Variants in GPR107 observed in about 807,000 individuals in gnomAD.
GPR107 encodes protein GPR107.
Under a neutral mutation model 75.5 loss-of-function variants are expected in GPR107, and 31 were observed. The ratio of observed to expected loss-of-function variants is 0.41; its 90% CI spans 0.31 to 0.55. The LOEUF (loss-of-function observed/expected upper bound fraction) is 0.55. Ranked by LOEUF, GPR107 falls within the 20% of genes least tolerant of loss-of-function variation. The probability of loss-of-function intolerance (pLI) is 0.26; values close to 1 mark genes in which losing one functional copy is unlikely to be tolerated. For missense variants in GPR107, 572 were observed against 665.7 expected, an observed-to-expected ratio of 0.86 and a Z score of 1.55; for synonymous variants, 267 against 251.3, an observed-to-expected ratio of 1.06 and a Z score of -0.59.
chr9:130,125,701 G>A (rs1345184312), intron 15 of GPR107, among the ~76,000 whole-genome samples: 1 of 149,422 alleles, frequency 6.7e-6, no homozygotes, highest in African/African-American at 2.5e-5. Context: ...TAGAAAAATG[G>A]GATCACACTG....
Position 130,094,316 on chromosome 9 carries a change from T to C in GPR107, c.863+1935T>C, listed in dbSNP as rs1309563452. 1.3e-5 allele frequency among the ~76,000 whole-genome samples: 2 copies of C among 152,194 alleles called. 1 individual carries two copies. Among genetic ancestry groups the C allele is most frequent in the South Asian group, 4.2e-4 (2 of 4,814 alleles). ...AAAATTAGCTGGGCGTGGTGGCAGG[T>C]GCCTATAGTCCCAGCTACTCAGGAG... On this transcript the variant is annotated intron_variant, in intron 9 of 17. Transcript: ENST00000347136.
At chr9:130,111,192 A>G (rs556797240) in intron 14 of GPR107, among the ~76,000 whole-genome samples, 1 of 150,996 alleles carries the variant, frequency 6.6e-6, no homozygotes, top group Admixed American at 6.6e-5. Flanking sequence ...TAGGCCAGGC[A>G]TGGTGGCTTA....
chr9:130,066,757 A>G (rs940582170), intron 1 of GPR107, among the ~76,000 whole-genome samples: 2 of 152,044 alleles, frequency 1.3e-5, no homozygotes, highest in South Asian at 2.1e-4. Flanking sequence ...AGGCCGAGGC[A>G]GGCAGATCAC....
At position 130,104,500 on chromosome 9, in the gene GPR107, A is replaced by T; in HGVS notation, c.1212A>T (p.Leu404=). 2 of 1,613,544 alleles carry T rather than the reference A, an allele frequency of 1.2e-6. No individual in the cohort carries two copies. Among genetic ancestry groups the T allele is most frequent in the South Asian group, 2.2e-5 (2 of 91,048 alleles). ...TTEYGLWKDS[L]FLVDLLCCGA... ...AATATGGCTTGTGGAAGGACTCTCT[A>T]TTTCTGGTCGACCTGTTGTGTTGTG... Residue 404 remains leucine, a synonymous_variant, in exon 13 of 18, where the codon CTA becomes CTT. Transcript: ENST00000347136.
chr9:130,077,067 T>C (rs1246184723), intron 3 of GPR107, among the ~76,000 whole-genome samples: 1 of 151,996 alleles, frequency 6.6e-6, no homozygotes, highest in Non-Finnish European at 1.5e-5. Context: ...TTTGTATTTT[T>C]AGTAGAGACG....
intron 4 of GPR107, among the ~76,000 whole-genome samples, chr9:130,078,136 G>A (rs1367225901): frequency 1.3e-5 from 2 of 151,482 alleles, no homozygotes; most frequent in Admixed American, 1.3e-4. Flanking sequence ...CTGCACTCCA[G>A]CCTGGGTGAG....
intron 14 of GPR107, chr9:130,110,355 AT>A (rs1220675621): frequency 2.1e-5 from 32 of 1,507,584 alleles, no homozygotes; most frequent in Non-Finnish European, 2.4e-5. Flanking sequence ...GCAGTTTCTC[AT>A]TTTTTTCCAC....
intron 14 of GPR107, among the ~76,000 whole-genome samples, chr9:130,111,911 A>G (rs1487549299): frequency 6.6e-6 from 1 of 151,966 alleles, no homozygotes; most frequent in Non-Finnish European, 1.5e-5. Flanking sequence ...ACTGAGACTC[A>G]CAGCTGCACT....
In GPR107 at chr9:130,137,913, C is replaced by T. The variant is rs1831998134; in HGVS notation, c.*2792C>T. The T allele has an allele frequency of 6.6e-6, 1 of 152,270 alleles. No individual in the cohort carries two copies. The highest frequency in any genetic ancestry group is 2.1e-4 in the South Asian group (1 of 4,836). 9.4% of individuals were successfully genotyped at this position (152,270 alleles called of 1,614,324 possible). ...CTTTGCTTTGTACTCCTCACTGTTTCTGCCTACGCAAAATATCCATGTTTC... is the reference window on the plus strand; with the variant it reads ...CTTTGCTTTGTACTCCTCACTGTTTTTGCCTACGCAAAATATCCATGTTTC... On this transcript the variant is annotated 3_prime_UTR_variant, in exon 18 of 18. Coordinates refer to ENST00000347136, the MANE Select transcript of GPR107 (RefSeq NM_020960.5).
intron 1 of GPR107, among the ~76,000 whole-genome samples, chr9:130,062,454 A>T (rs917003405): frequency 6.9e-6 from 1 of 145,932 alleles, no homozygotes; most frequent in African/African-American, 2.6e-5. Flanking sequence ...AATAATAATA[A>T]TAATAGCACT....
chr9:130,093,229 G>A (rs1830783879), intron 9 of GPR107, among the ~76,000 whole-genome samples: 1 of 151,810 alleles, frequency 6.6e-6, no homozygotes, highest in South Asian at 2.1e-4. Flanking sequence ...TGAAACCCCC[G>A]AGGCTTTAAC....
intron 17 of GPR107, among the ~76,000 whole-genome samples, chr9:130,130,473 G>A (rs151240750): frequency 6.6e-6 from 1 of 152,280 alleles, no homozygotes; most frequent in Non-Finnish European, 1.5e-5. Flanking sequence ...ATTATTTCAT[G>A]TGGGCGAGGA....
At chr9:130,075,881 C>G (rs529126960) in intron 2 of GPR107, 132 bp downstream of exon 2, 1 of 536,254 alleles carries the variant, frequency 1.9e-6, no homozygotes, top group Admixed American at 3.1e-5. Flanking sequence ...CTCCCGGGTT[C>G]AAGCAGTTCT....
intron 5 of GPR107, among the ~76,000 whole-genome samples, chr9:130,080,244 G>A (rs984594161): frequency 6.6e-5 from 10 of 152,100 alleles, no homozygotes; most frequent in Admixed American, 3.9e-4. Flanking sequence ...TATAGCGAAC[G>A]TTCTTTAAGA....
chr9:130,071,937 G>A (rs1043144291), intron 1 of GPR107, among the ~76,000 whole-genome samples: 1 of 148,716 alleles, frequency 6.7e-6, no homozygotes, highest in South Asian at 2.1e-4. Context: ...CGTCCGCCGC[G>A]GCCTCCCAAA....
chr9:130,129,788 A>G (rs558179315), intron 17 of GPR107: 1 of 152,352 alleles, frequency 6.6e-6, no homozygotes, highest in Non-Finnish European at 1.5e-5. Context: ...CGGTGTGTTT[A>G]TCATTCCCCT....
At chr9:130,107,848 A>G (rs2240911) in intron 14 of GPR107, among the ~76,000 whole-genome samples, 2 of 152,224 alleles carry the variant, frequency 1.3e-5, no homozygotes, top group Admixed American at 6.5e-5. Context: ...CTTGTCTTAG[A>G]AGGGCCAGAT....
chr9:130,091,844 C>A (rs551669800), intron 8 of GPR107, among the ~76,000 whole-genome samples: 1 of 151,896 alleles, frequency 6.6e-6, no homozygotes, highest in Non-Finnish European at 1.5e-5. Flanking sequence ...TACAAGGGTG[C>A]GCCACCACAC....
chr9:130,084,285 C>A (rs1830564036), intron 6 of GPR107, among the ~76,000 whole-genome samples: 1 of 151,468 alleles, frequency 6.6e-6, no homozygotes, highest in South Asian at 2.1e-4. Context: ...GTAATCCCAG[C>A]TACTTGGGAG....
Sources: allele counts gnomAD v4.1 joint callset (sites outside exome capture counted in the v4.1 genomes callset), GRCh38; gene constraint gnomAD v4.1.1; transcripts MANE v1.5; gene names NCBI Gene and HGNC (gene_info 2026-07-23, HGNC 2026-07-21).